Variants in CACNA1I observed in about 807,000 individuals in gnomAD.
CACNA1I encodes voltage-dependent T-type calcium channel subunit alpha-1I.
In CACNA1I, 74 loss-of-function variants were observed where a neutral mutation model predicts 201.6. The ratio of observed to expected loss-of-function variants is 0.37; its 90% confidence interval spans 0.30 to 0.45. The LOEUF is 0.45. CACNA1I is among the 20% of genes least tolerant of loss of function. The pLI, the probability that CACNA1I is intolerant of heterozygous loss-of-function variation, is 1.00. For missense variants in CACNA1I, 2,346 were observed against 3,138.1 expected, an observed-to-expected ratio of 0.75 and a Z score of 6.03; for synonymous variants, 1,431 against 1,345.2, an observed-to-expected ratio of 1.06 and a Z score of -1.40.
chr22:39,680,214 G>T (rs995718597), intron 33 of CACNA1I, among the ~76,000 whole-genome samples: 1 of 152,180 alleles, frequency 6.6e-6, no homozygotes, highest in Admixed American at 6.5e-5. Context: ...TCATCTGCCC[G>T]CTCTTCCCCC....
chr22:39,664,027 G>A (rs1275406047), intron 19 of CACNA1I, 64 bp from the exon 20 acceptor site: 3 of 1,555,374 alleles, frequency 1.9e-6, no homozygotes, highest in Non-Finnish European at 2.7e-6. Context: ...CCAAAGCAGC[G>A]GCTGGCCAGT....
At chr22:39,678,257 G>A in intron 31 of CACNA1I, 149 bp downstream of exon 31, 1 of 893,768 alleles carries the variant, frequency 1.1e-6, no homozygotes, top group South Asian at 1.7e-5. Context: ...GGCCTGCCCA[G>A]GACCAGCACA....
chr22:39,643,171 G>A (rs747616034), intron 7 of CACNA1I, among the ~76,000 whole-genome samples: 8 of 152,188 alleles, frequency 5.3e-5, no homozygotes, highest in Non-Finnish European at 7.3e-5. Context: ...TCTCTGCCTC[G>A]TGTCTCTGGG....
intron 10 of CACNA1I, among the ~76,000 whole-genome samples, chr22:39,654,279 T>C (rs1934746822): frequency 6.6e-6 from 1 of 152,150 alleles, no homozygotes; most frequent in East Asian, 1.9e-4. Flanking sequence ...CTGTTCAGCT[T>C]CTCTCTCCTG....
Position 39,662,211 on chromosome 22 carries a change from C to T in CACNA1I, c.3148C>T (p.His1050Tyr). 6.5e-7 allele frequency: 1 copy of T among 1,528,702 alleles called. No individual in the cohort carries two copies. The highest frequency in any genetic ancestry group is 1.2e-5 in the South Asian group (1 of 82,346). 94.7% of individuals were successfully genotyped at this position (1,528,702 alleles called of 1,614,324 possible). Residue 1050 changes from histidine (H) to tyrosine (Y), a missense_variant, in exon 17 of 37, where the codon CAC becomes TAC. Physicochemically the swap from His to Tyr is moderately conservative, Grantham distance 83. Transcript: ENST00000402142. The part of the protein sequence containing the change: ...IHHGPHLAHR[H>Y]RHHRRTLSLD... ...TCACGGGCCCCATCTGGCGCACCGC[C>T]ACCGCCACCACCGCCGGACGCTGTC... is the stretch of plus-strand genomic sequence containing the variant.
rs1208613280 is a variant in CACNA1I, at chr22:39,686,017, C to T, written c.6284C>T (p.Pro2095Leu). ...RSHSSGGSTS[P>L]GCTHHDSMDP... is the part of the protein sequence containing the mutation. ...CACAGCAGCGGGGGCTCCACCAGCC[C>T]GGGCTGCACCCACCACGACTCCATG... Residue 2095 changes from proline to leucine, a missense_variant, in exon 37 of 37, where the codon CCG (proline) becomes CTG (leucine). Pro to Leu is a moderately conservative substitution (Grantham distance 98). Coordinates refer to ENST00000402142, the MANE Select transcript of CACNA1I (RefSeq NM_021096.4). 2.4e-6 allele frequency: 3 copies of T among 1,237,830 alleles called. No homozygotes were observed. Among genetic ancestry groups the T allele is most frequent in the South Asian group, 3.7e-5 (1 of 26,762 alleles). 76.7% of individuals were successfully genotyped at this position (1,237,830 alleles called of 1,614,324 possible). A position where few individuals can be genotyped will look rare whatever the true frequency, so the allele number is the denominator to read the frequency against.
Position 39,665,425 on chromosome 22 carries a change from C to T in CACNA1I, c.3852-73C>T. 2 of 1,575,062 alleles carry T rather than the reference C, an allele frequency of 1.3e-6. No individual in the cohort carries two copies. Among genetic ancestry groups the T allele is most frequent in the Non-Finnish European group, 1.7e-6 (2 of 1,155,372 alleles). ...GCCCTGGGATACTCAGCCCTGGTGA[C>T]TCTGGGCTGAGTAGGGGCTGCCTCC... On this transcript the variant is annotated intron_variant, in intron 21 of 36. Transcript: ENST00000402142. The surrounding 1 kb of genome is among the most constrained non-coding windows in gnomAD (Gnocchi z 5.5).
rs183609551 is a variant in CACNA1I at position 39,635,346 on chromosome 22, G to C, written c.740+622G>C. 4.2e-3 allele frequency among the ~76,000 whole-genome samples: 645 copies of C among 152,046 alleles called. 3 individuals are homozygous for C. Among genetic ancestry groups the C allele is most frequent in the Admixed American group, 9.0e-3 (137 of 15,296 alleles). On this transcript the variant is annotated intron_variant, in intron 5 of 36. Coordinates refer to ENST00000402142, the MANE Select transcript of CACNA1I (RefSeq NM_021096.4). ...GGCTCAGGATGCGGCAGAAGGGGGG[G>C]GGTCCCTGCCCCCTGCCCTTGAGAA...
At chr22:39,603,279 C>G (rs6001634) in intron 3 of CACNA1I, among the ~76,000 whole-genome samples, 1 of 152,078 alleles carries the variant, frequency 6.6e-6, no homozygotes, top group Non-Finnish European at 1.5e-5. Flanking sequence ...TGTTTCTGTC[C>G]TCTATCTTTT....
chr22:39,665,492 C>T lies in CACNA1I; in HGVS notation c.3852-6C>T, dbSNP rs146873478. 804 of 1,613,452 alleles carry T rather than the reference C, an allele frequency of 5.0e-4. 4 individuals are homozygous for T. The African/African-American group carries it at 9.2e-3, about 18-fold the overall frequency. On this transcript the variant is annotated splice_polypyrimidine_tract_variant and splice_region_variant and intron_variant, in intron 21 of 36. Coordinates refer to ENST00000402142, the MANE Select transcript of CACNA1I (RefSeq NM_021096.4). The surrounding 1 kb of genome is among the most constrained non-coding windows in gnomAD (Gnocchi z 5.5). ...TTATGTGTGCCTGGCCTCTCCCTGC[C>T]GTCAGTGTCATCAGCCGGGCGCCGG...
At chr22:39,658,382 G>A in intron 11 of CACNA1I, 79 bp downstream of exon 11, 1 of 1,373,460 alleles carries the variant, frequency 7.3e-7, no homozygotes, top group Non-Finnish European at 1.0e-6. Flanking sequence ...AGCATATAAA[G>A]GACATAAGAT....
In CACNA1I at chr22:39,659,778, G is replaced by A. The variant is rs1934942608; in HGVS notation, c.2530G>A (p.Ala844Thr). Reference sequence around the variant, plus strand: ...TCCCTGGGCCTCCCTCTACTTTGTCGCCCTCATGACCTTCGGCAACTATGT... The same window carrying A: ...TCCCTGGGCCTCCCTCTACTTTGTCACCCTCATGACCTTCGGCAACTATGT... Reference protein sequence around the residue: ...TSPWASLYFVALMTFGNYVLF... With the variant: ...TSPWASLYFVTLMTFGNYVLF... The change falls in exon 14 of 37, where the codon GCC becomes ACC. Residue 844 changes from alanine (A) to threonine (T), a missense_variant. Coordinates refer to ENST00000402142, the MANE Select transcript of CACNA1I (RefSeq NM_021096.4). This position sits in a 1 kb window ranked among gnomAD's most constrained non-coding sequence, Gnocchi z 4.3. 4.3e-6 allele frequency: 7 copies of A among 1,613,912 alleles called. No homozygotes were observed. The highest frequency in any genetic ancestry group is 2.7e-5 in the African/African-American group (2 of 75,026).
At chr22:39,653,137 C>T (rs1275479252) in intron 10 of CACNA1I, among the ~76,000 whole-genome samples, 1 of 108,170 alleles carries the variant, frequency 9.2e-6, no homozygotes, top group Non-Finnish European at 1.7e-5. Context: ...CACGGAGCCC[C>T]CCACACAGTG....
intron 2 of CACNA1I, among the ~76,000 whole-genome samples, chr22:39,599,080 C>T (rs1009600183): frequency 6.6e-6 from 1 of 150,436 alleles, no homozygotes; most frequent in Non-Finnish European, 1.5e-5. Flanking sequence ...TCCTGAGCAG[C>T]TGGGACTACA....
rs1934010000 is a variant in CACNA1I at position 39,629,928 on chromosome 22, C to T, written c.581-4637C>T. On this transcript the variant is annotated intron_variant, in intron 4 of 36. Coordinates refer to ENST00000402142, the MANE Select transcript of CACNA1I (RefSeq NM_021096.4). The surrounding 1 kb of genome is among the most constrained non-coding windows in gnomAD (Gnocchi z 4.8). ...ATCCTCTCACCCCTTCCCCAGATCACGTCTCCCTTCTGCTCCATGACCCTT... is the reference window on the plus strand; with the variant it reads ...ATCCTCTCACCCCTTCCCCAGATCATGTCTCCCTTCTGCTCCATGACCCTT... 6.6e-6 allele frequency among the ~76,000 whole-genome samples: 1 copy of T among 152,168 alleles called. No individual in the cohort carries two copies. The highest frequency in any genetic ancestry group is 2.1e-4 in the South Asian group (1 of 4,830).
At chr22:39,601,671 T>C (rs556837013) in intron 3 of CACNA1I, among the ~76,000 whole-genome samples, 1 of 152,016 alleles carries the variant, frequency 6.6e-6, no homozygotes, top group East Asian at 1.9e-4. Context: ...TTTGATTCAG[T>C]AGACGCATGG....
In CACNA1I at chr22:39,661,918, C is replaced by T. The variant is rs536938505; in HGVS notation, c.2902-47C>T. The T allele has an allele frequency of 4.7e-6, 6 of 1,288,674 alleles. No individual in the cohort carries two copies. In the Admixed American group the frequency reaches 1.2e-4, roughly 26 times the overall value. The allele number at this position is 1,288,674 out of a possible 1,614,324, so 79.8% of individuals were successfully genotyped here. A position where few individuals can be genotyped will look rare whatever the true frequency, so the allele number is the denominator to read the frequency against. ...GCCTTTGGGCACCTGGTGCCCCAGC[C>T]GTGGGTGTGCCTGTGGGGCGCTGAC... On this transcript the variant is annotated intron_variant, in intron 16 of 36. Transcript: ENST00000402142.
chr22:39,589,525 A>T (rs536488264), intron 1 of CACNA1I, among the ~76,000 whole-genome samples: 1 of 152,384 alleles, frequency 6.6e-6, no homozygotes, highest in South Asian at 2.1e-4. Context: ...GCTCGAACAC[A>T]TGCTACACCG....
At chr22:39,652,107 C>T (rs1279867847) in intron 10 of CACNA1I, among the ~76,000 whole-genome samples, 1 of 151,530 alleles carries the variant, frequency 6.6e-6, no homozygotes, top group African/African-American at 2.4e-5. Flanking sequence ...GATCTGGGCT[C>T]ACTGCAACCT....
Sources: gnomAD v4.1 joint callset for allele counts (sites outside exome capture counted in the v4.1 genomes callset) on GRCh38, gnomAD v4.1.1 for gene constraint, Gnocchi (gnomAD v3.1) non-coding constraint, MANE v1.5 for transcripts, NCBI Gene and HGNC (gene_info 2026-07-23, HGNC 2026-07-21) for gene names.